Variants in EPHA6 observed in about 807,000 individuals in gnomAD.
The protein encoded by EPHA6 is EPH receptor A6, also known as ephrin type-A receptor 6.
EPHA6 carries 50 observed loss-of-function variants against 112.0 expected under a neutral mutation model. The observed-to-expected ratio is 0.45, with a 90% CI of 0.36 to 0.56. The LOEUF is 0.56. Among genes scored for constraint, EPHA6 ranks in the 20% least tolerant of loss-of-function variants. The pLI is 0.00. For missense variants in EPHA6, 1,280 were observed against 1,417.4 expected (o/e 0.90, Z 1.56); for synonymous variants, 529 against 490.7 (o/e 1.08, Z -1.03).
chr3:97,665,558 ATTC>A (rs1372218722), intron 14 of EPHA6, among the ~76,000 whole-genome samples: 2 of 152,246 alleles, frequency 1.3e-5, no homozygotes, highest in Non-Finnish European at 1.5e-5. Flanking sequence ...CCTGGTCACA[ATTC>A]TTCTTTATAG....
intron 14 of EPHA6, among the ~76,000 whole-genome samples, chr3:97,660,774 T>C (rs2094164884): frequency 6.6e-6 from 1 of 152,086 alleles, no homozygotes; most frequent in Non-Finnish European, 1.5e-5. Flanking sequence ...AAACCTATGT[T>C]ATGAAAATAA....
At chr3:97,030,221 G>A (rs552547690) in intron 3 of EPHA6, among the ~76,000 whole-genome samples, 2 of 152,180 alleles carry the variant, frequency 1.3e-5, no homozygotes, top group Non-Finnish European at 2.9e-5. Flanking sequence ...ATTGTGCCAA[G>A]TTGCTGAAGC....
chr3:96,972,183 C>T (rs1199210857), intron 2 of EPHA6, among the ~76,000 whole-genome samples: 1 of 151,978 alleles, frequency 6.6e-6, no homozygotes, highest in East Asian at 1.9e-4. Flanking sequence ...TTTTCCATGA[C>T]TATTCCCCCT....
chr3:97,261,721 T>C (rs2079509914), intron 5 of EPHA6, among the ~76,000 whole-genome samples: 2 of 152,214 alleles, frequency 1.3e-5, no homozygotes, highest in Non-Finnish European at 2.9e-5. Context: ...TGGTGCAACC[T>C]TTATTCAATG....
chr3:97,080,101 G>A (rs986088265), intron 3 of EPHA6, among the ~76,000 whole-genome samples: 3 of 151,952 alleles, frequency 2.0e-5, no homozygotes, highest in Non-Finnish European at 4.4e-5. Flanking sequence ...ATATCTCCAT[G>A]GTGTGCCTGT....
intron 2 of EPHA6, among the ~76,000 whole-genome samples, chr3:96,906,937 C>A (rs1457745200): frequency 6.6e-6 from 1 of 151,712 alleles, no homozygotes; most frequent in Non-Finnish European, 1.5e-5. Context: ...GATAAATGAT[C>A]TCTGGAATTT....
intron 5 of EPHA6, among the ~76,000 whole-genome samples, chr3:97,394,058 G>T (rs1223203357): frequency 6.6e-6 from 1 of 151,630 alleles, no homozygotes; most frequent in African/African-American, 2.4e-5. Flanking sequence ...TGTAACATAT[G>T]AATTTCATTT....
chr3:97,549,093 C>G (rs577015498), intron 11 of EPHA6, among the ~76,000 whole-genome samples: 16 of 152,264 alleles, frequency 1.1e-4, no homozygotes, highest in Non-Finnish European at 1.9e-4. Flanking sequence ...TAATAAATGA[C>G]TATGTTACTG....
chr3:97,399,635 G>C (rs1165935929), intron 5 of EPHA6, among the ~76,000 whole-genome samples: 3 of 151,718 alleles, frequency 2.0e-5, no homozygotes, highest in Non-Finnish European at 4.4e-5. Context: ...TCCAAATGGA[G>C]TGAGATGATA....
chr3:97,236,303 A>T (rs1348021450), intron 4 of EPHA6, among the ~76,000 whole-genome samples: 2 of 152,006 alleles, frequency 1.3e-5, no homozygotes, highest in South Asian at 2.1e-4. Context: ...CAAGCAGAAA[A>T]CACAAAGTAG....
At chr3:97,244,518 G>A (rs1332589727) in intron 5 of EPHA6, 1 of 525,766 alleles carries the variant, frequency 1.9e-6, no homozygotes, top group East Asian at 2.9e-5. Context: ...CACTGTTTAT[G>A]TACTCATGTA....
At chr3:97,647,296 A>G (rs1007014014) in intron 14 of EPHA6, among the ~76,000 whole-genome samples, 1 of 152,178 alleles carries the variant, frequency 6.6e-6, no homozygotes, top group Non-Finnish European at 1.5e-5. Flanking sequence ...AATAAGGCAT[A>G]TAGTAAAACT....
intron 3 of EPHA6, among the ~76,000 whole-genome samples, chr3:97,211,176 A>G (rs1393902192): frequency 6.6e-6 from 1 of 152,248 alleles, no homozygotes; most frequent in East Asian, 1.9e-4. Flanking sequence ...AGTGTCTATA[A>G]GAAATTGTCA....
At chr3:97,269,701 A>T (rs1576810487) in intron 5 of EPHA6, among the ~76,000 whole-genome samples, 1 of 152,116 alleles carries the variant, frequency 6.6e-6, no homozygotes, top group East Asian at 1.9e-4. Flanking sequence ...TTCCCAGATG[A>T]AAACATCATA....
chr3:97,488,009 C>T (rs1273352240), intron 10 of EPHA6, among the ~76,000 whole-genome samples: 1 of 152,056 alleles, frequency 6.6e-6, no homozygotes, highest in Non-Finnish European at 1.5e-5. Context: ...AAAGGTTGTC[C>T]CTCTTTCAGG....
At chr3:97,703,880 CCTTT>C (rs2033534536) in intron 14 of EPHA6, among the ~76,000 whole-genome samples, 1 of 152,174 alleles carries the variant, frequency 6.6e-6, no homozygotes. Context: ...TAAAAAACAA[CCTTT>C]CTGAGTGAAA....
At chr3:96,850,235 G>C (rs889574006) in intron 1 of EPHA6, among the ~76,000 whole-genome samples, 1 of 152,070 alleles carries the variant, frequency 6.6e-6, no homozygotes, top group Non-Finnish European at 1.5e-5. Context: ...CATGTTTGCT[G>C]TAATTTGGGG....
At chr3:97,402,512 T>A (rs1349308233) in intron 5 of EPHA6, among the ~76,000 whole-genome samples, 1 of 152,144 alleles carries the variant, frequency 6.6e-6, no homozygotes, top group Non-Finnish European at 1.5e-5. Context: ...TCCTTCACTT[T>A]CAGTCTATTT....
intron 3 of EPHA6, among the ~76,000 whole-genome samples, chr3:97,106,103 A>G (rs946075773): frequency 1.3e-5 from 2 of 152,122 alleles, no homozygotes; most frequent in African/African-American, 2.4e-5. Context: ...ATTTTACTAA[A>G]ATGTATATAT....
Sources: allele counts gnomAD v4.1 joint callset (sites outside exome capture counted in the v4.1 genomes callset), GRCh38; gene constraint gnomAD v4.1.1; transcripts MANE v1.5; gene names NCBI Gene and HGNC (gene_info 2026-07-23, HGNC 2026-07-21).